Variants in GABRA3 observed in about 807,000 individuals in gnomAD.
The protein encoded by GABRA3 is gamma-aminobutyric acid receptor subunit alpha-3.
GABRA3 carries 10 observed loss-of-function variants against 30.1 expected under a neutral mutation model. That is an observed-to-expected ratio of 0.33 (90% CI 0.20 to 0.56). The LOEUF (loss-of-function observed/expected upper bound fraction) is 0.56, where lower values mean the gene tolerates loss of function less well. GABRA3 is among the 20% of genes least tolerant of loss of function. The pLI is 0.89. For synonymous variants in GABRA3, 151 were observed against 146.8 expected, an observed-to-expected ratio of 1.03 and a Z score of -0.21; for missense variants, 233 against 392.0, an observed-to-expected ratio of 0.59 and a Z score of 3.42.
At chrX:152,177,470 A>C (rs1373532655) in intron 9 of GABRA3, among the ~76,000 whole-genome samples, 1 of 111,285 alleles carries the variant, frequency 9.0e-6, no homozygotes. Context: ...ATATGGCCTC[A>C]TGTGTCCACA....
intron 3 of GABRA3, among the ~76,000 whole-genome samples, chrX:152,338,279 G>A (rs184618386): frequency 8.9e-6 from 1 of 111,945 alleles, no homozygotes; most frequent in Admixed American, 9.5e-5. Flanking sequence ...TTCCCTGATC[G>A]TTAATGATTT....
At chrX:152,375,549 T>C (rs1928972938) in intron 1 of GABRA3, among the ~76,000 whole-genome samples, 1 of 112,151 alleles carries the variant, frequency 8.9e-6, no homozygotes, top group African/African-American at 3.2e-5. Context: ...ACTTGCCTAG[T>C]GTTACTTCCT....
intron 4 of GABRA3, among the ~76,000 whole-genome samples, chrX:152,278,056 C>T (rs958382888): frequency 8.9e-6 from 1 of 112,159 alleles, no homozygotes; most frequent in South Asian, 3.7e-4. Flanking sequence ...CTTCATCATT[C>T]TCTATTTTGA....
intron 5 of GABRA3, among the ~76,000 whole-genome samples, chrX:152,253,306 T>A: frequency 9.1e-6 from 1 of 110,200 alleles, no homozygotes; most frequent in Non-Finnish European, 1.9e-5. Context: ...CTACATTGTA[T>A]CTCTCTCCTG....
At chrX:152,241,348 G>T (rs746619708) in intron 5 of GABRA3, among the ~76,000 whole-genome samples, 137 of 93,983 alleles carry the variant, frequency 1.5e-3, no homozygotes, top group Non-Finnish European at 2.4e-3. Flanking sequence ...CACTTGAGGA[G>T]GCAGTCTGCC....
chrX:152,286,230 T>A (rs1603233767), intron 3 of GABRA3, among the ~76,000 whole-genome samples: 1 of 103,356 alleles, frequency 9.7e-6, no homozygotes, highest in African/African-American at 3.8e-5. Context: ...AGAAGTGAAG[T>A]TTTTCCACTA....
At chrX:152,364,701 T>C in intron 1 of GABRA3, 105 bp from the exon 2 acceptor site, 1 of 549,406 alleles carries the variant, frequency 1.8e-6, no homozygotes, top group Non-Finnish European at 2.8e-6. Flanking sequence ...TATTAAACTC[T>C]ATTAGAGCCA....
At chrX:152,231,236 C>CGT (rs1938067911) in intron 5 of GABRA3, among the ~76,000 whole-genome samples, 1 of 106,627 alleles carries the variant, frequency 9.4e-6, no homozygotes, top group Non-Finnish European at 1.9e-5. Flanking sequence ...TATATACACA[C>CGT]ATATGTATAC....
chrX:152,417,207 T>C (rs2124534881), intron 1 of GABRA3, among the ~76,000 whole-genome samples: 1 of 100,240 alleles, frequency 1.0e-5, no homozygotes, highest in Non-Finnish European at 2.0e-5. Flanking sequence ...CATCAAAAAG[T>C]GGGCGAAGGA....
At chrX:152,168,950 A>G (rs1244595508) in intron 9 of GABRA3, among the ~76,000 whole-genome samples, 1 of 112,085 alleles carries the variant, frequency 8.9e-6, no homozygotes, top group African/African-American at 3.3e-5. Context: ...CTTATACATC[A>G]TGTGATTCGA....
At chrX:152,237,999 G>A (rs1460482893) in intron 5 of GABRA3, among the ~76,000 whole-genome samples, 1 of 109,386 alleles carries the variant, frequency 9.1e-6, no homozygotes, top group African/African-American at 3.4e-5. Flanking sequence ...TCTCCTGCCT[G>A]ATTGCCCTGG....
At position 152,224,660 on chromosome X, in the gene GABRA3, C is replaced by T. The variant is rs768544461; in HGVS notation, c.634+103G>A. On this transcript the variant is annotated intron_variant, in intron 6 of 9. Transcript: ENST00000370314. The stretch of plus-strand genomic sequence containing the variant: ...CCCTGATACCAGCCCGGATTAAAGG[C>T]CTCAGCTTTAGAAACTTGCAGTGGA... The T allele has an allele frequency of 9.1e-6, 5 of 550,617 alleles. No individual in the cohort carries two copies. The South Asian group carries it at 2.1e-4, about 23-fold the overall frequency. The allele number at this position is 550,617 out of a possible 1,213,427, so 45.4% of individuals were successfully genotyped here.
At chrX:152,396,049 G>C (rs968685423) in intron 1 of GABRA3, among the ~76,000 whole-genome samples, 1 of 112,224 alleles carries the variant, frequency 8.9e-6, no homozygotes, top group Non-Finnish European at 1.9e-5. Context: ...TTTGGTAATA[G>C]GGTCTTTGTA....
intron 3 of GABRA3, among the ~76,000 whole-genome samples, chrX:152,302,764 C>T (rs6627574): frequency 0.22 from 24,380 of 109,636 alleles, 2,670 homozygotes; most frequent in African/African-American, 0.43. Context: ...CCAGGGTCTA[C>T]TGTTTTCATC....
intron 6 of GABRA3, among the ~76,000 whole-genome samples, chrX:152,218,754 A>T (rs188641309): frequency 3.6e-5 from 4 of 111,378 alleles, no homozygotes; most frequent in Non-Finnish European, 5.7e-5. Flanking sequence ...GGATGGGAAT[A>T]GGGCTCCCTG....
At chrX:152,446,936 T>C (rs1262589575) in intron 1 of GABRA3, among the ~76,000 whole-genome samples, 1 of 111,983 alleles carries the variant, frequency 8.9e-6, no homozygotes, top group Non-Finnish European at 1.9e-5. Context: ...CCAACACAAC[T>C]AGCCTCTGAA....
chrX:152,417,543 A>G (rs1290430470), intron 1 of GABRA3, among the ~76,000 whole-genome samples: 2 of 100,086 alleles, frequency 2.0e-5, no homozygotes, highest in Non-Finnish European at 4.0e-5. Context: ...CCAAAGGACT[A>G]TAAATCATGC....
chrX:152,311,610 G>A lies in GABRA3; in HGVS notation c.263-26875C>T, dbSNP rs185769102. ...CAAACATCATACTGAATGGGCAAAAGCTGTAATCATTCCCCTTGAAAACAA... is the reference window on the plus strand; with the variant it reads ...CAAACATCATACTGAATGGGCAAAAACTGTAATCATTCCCCTTGAAAACAA... On this transcript the variant is annotated intron_variant, in intron 3 of 9. Transcript: ENST00000370314. Among the ~76,000 whole-genome samples, 485 of 111,676 alleles carry A rather than the reference G, an allele frequency of 4.3e-3. 2 individuals carry two copies. Among genetic ancestry groups the A allele is most frequent in the African/African-American group, 0.015 (455 of 30,771 alleles).
intron 1 of GABRA3, among the ~76,000 whole-genome samples, chrX:152,442,629 G>C (rs1602733128): frequency 9.0e-6 from 1 of 111,729 alleles, no homozygotes; most frequent in Non-Finnish European, 1.9e-5. Context: ...TAGAAGAGCT[G>C]AGGTAATAAA....
Sources: gnomAD v4.1 joint callset for allele counts (sites outside exome capture counted in the v4.1 genomes callset) on GRCh38, gnomAD v4.1.1 for gene constraint, MANE v1.5 for transcripts, NCBI Gene and HGNC (gene_info 2026-07-23, HGNC 2026-07-21) for gene names.